The following TMEM63B variants were observed in gnomAD, a reference collection of about 807,000 sequenced individuals.
The protein encoded by TMEM63B is mechanosensitive cation channel TMEM63B.
A neutral mutation model predicts 102.6 loss-of-function variants in TMEM63B; 23 were observed. The observed-to-expected ratio is 0.22, with a 90% CI of 0.16 to 0.32. The LOEUF is 0.32. Among genes scored for constraint, TMEM63B ranks in the 10% least tolerant of loss-of-function variants. The pLI, the probability that TMEM63B is intolerant of heterozygous loss-of-function variation, is 1.00. For synonymous variants in TMEM63B, 444 were observed against 437.0 expected, an observed-to-expected ratio of 1.02 and a Z score of -0.20; for missense variants, 628 against 1,095.9, an observed-to-expected ratio of 0.57 and a Z score of 6.03.
chr6:44,150,342 G>A lies in TMEM63B; in HGVS notation c.1607+32G>A. The A allele has an allele frequency of 1.3e-6, 2 of 1,597,950 alleles. No individual in the cohort carries two copies. Among genetic ancestry groups the A allele is most frequent in the Non-Finnish European group, 1.7e-6 (2 of 1,165,490 alleles). ...TGAGAAGGATGGGGCAGGAGCCAGG[G>A]TAGGGGGACAGCAGGATAGGGAGAG... On this transcript the variant is annotated intron_variant, in intron 17 of 23. Coordinates refer to ENST00000323267, the MANE Select transcript of TMEM63B (RefSeq NM_018426.3). The surrounding 1 kb of genome is among the most constrained non-coding windows in gnomAD (Gnocchi z 4.7).
At chr6:44,134,282 A>G in intron 1 of TMEM63B, 1 of 386,296 alleles carries the variant, frequency 2.6e-6, no homozygotes, top group African/African-American at 2.0e-5. Context: ...AGAAAATCAC[A>G]GATACCTTCC....
Position 44,153,838 on chromosome 6 carries a change from G to A in TMEM63B, c.2105G>A (p.Arg702His). 1 of 1,613,266 alleles carries A rather than the reference G, an allele frequency of 6.2e-7. No individual in the cohort carries two copies. Among genetic ancestry groups the A allele is most frequent in the Non-Finnish European group, 8.5e-7 (1 of 1,179,578 alleles). The stretch of plus-strand genomic sequence containing the variant: ...TGGCTGCTCTTCTTTTCCACCATGC[G>A]CACGGGTGAGGGATCCCTACCCAGG... The part of the protein sequence containing the change: ...LFWLLFFSTM[R>H]TGFLAPTSMF... The change falls in exon 21 of 24, where the codon CGC becomes CAC. Residue 702 changes from arginine (R) to histidine (H), a missense_variant. Arg to His is a conservative substitution (Grantham distance 29, BLOSUM62 0). This residue lies in a region of TMEM63B where 11 missense variants were observed against 23.0 expected (regional missense o/e 0.48). Coordinates refer to ENST00000323267, the MANE Select transcript of TMEM63B (RefSeq NM_018426.3).
intron 1 of TMEM63B, among the ~76,000 whole-genome samples, chr6:44,131,355 C>G (rs371338292): frequency 1.6e-4 from 25 of 152,120 alleles, no homozygotes; most frequent in African/African-American, 5.6e-4. Flanking sequence ...TAACAGAGCT[C>G]GCTTCCATCT....
At chr6:44,147,275 A>G (rs1765613949) in intron 11 of TMEM63B, 102 bp from the exon 12 acceptor site, 2 of 1,581,028 alleles carry the variant, frequency 1.3e-6, no homozygotes, top group Admixed American at 1.7e-5. Flanking sequence ...TATCCTAAAC[A>G]AGAACAAGAC....
intron 8 of TMEM63B, 43 bp from the exon 9 acceptor site, chr6:44,140,209 C>A: frequency 6.6e-7 from 1 of 1,517,800 alleles, no homozygotes; most frequent in South Asian, 1.1e-5. Context: ...CTGAGTGTGT[C>A]CTAGCCCCAG....
Position 44,155,016 on chromosome 6 carries a change from C to A in TMEM63B, c.*133C>A. On this transcript the variant is annotated 3_prime_UTR_variant, in exon 24 of 24. Coordinates refer to ENST00000323267, the MANE Select transcript of TMEM63B (RefSeq NM_018426.3). Reference sequence around the variant, plus strand: ...CCCTGCTTTCATTAAGGTATTTAAACTTGGGGGTTTCACTGCTCTCCCCCA... The same window carrying A: ...CCCTGCTTTCATTAAGGTATTTAAAATTGGGGGTTTCACTGCTCTCCCCCA... The A allele has an allele frequency of 1.1e-6, 1 of 904,296 alleles. No homozygotes were observed. The highest frequency in any genetic ancestry group is 1.5e-6 in the Non-Finnish European group (1 of 647,986). 56.0% of individuals were successfully genotyped at this position (904,296 alleles called of 1,614,324 possible). A position where few individuals can be genotyped will look rare whatever the true frequency, so the allele number is the denominator to read the frequency against.
chr6:44,137,946 C>T (rs76111453), intron 5 of TMEM63B, among the ~76,000 whole-genome samples: 7,799 of 152,158 alleles, frequency 0.051, 431 homozygotes, highest in East Asian at 0.22. Flanking sequence ...TTGATCCGCC[C>T]GCCTTGGCCT....
In TMEM63B at chr6:44,140,282, C is replaced by T. The variant is rs754148734; in HGVS notation, c.633C>T (p.Phe211=). 24 of 1,613,940 alleles carry T rather than the reference C, an allele frequency of 1.5e-5. No individual in the cohort carries two copies. The highest frequency in any genetic ancestry group is 5.0e-5 in the Admixed American group (3 of 59,990). Residue 211 remains phenylalanine, a synonymous_variant, in exon 9 of 24, where the codon TTC becomes TTT. Transcript: ENST00000323267. Reference sequence around the variant, plus strand: ...ACCTGCTATGGCTGCACACCTCCTTCGCCTTCCTGTATCTGCTGCTCACCG... The same window carrying T: ...ACCTGCTATGGCTGCACACCTCCTTTGCCTTCCTGTATCTGCTGCTCACCG... ...GNNLLWLHTS[F]AFLYLLLTVY...
intron 1 of TMEM63B, chr6:44,132,217 G>T: frequency 1.0e-6 from 1 of 965,004 alleles, no homozygotes; most frequent in Non-Finnish European, 1.2e-6. Context: ...TCCCATGCAG[G>T]TGGGAAGATT....
chr6:44,139,272 CT>C (rs1211128124), intron 6 of TMEM63B, among the ~76,000 whole-genome samples, 194 bp from the exon 7 acceptor site: 3 of 152,076 alleles, frequency 2.0e-5, no homozygotes, highest in African/African-American at 7.2e-5. Flanking sequence ...CTCCCTCCCC[CT>C]CTCTTCTCCC....
chr6:44,152,715 C>A lies in TMEM63B; in HGVS notation c.1942+17C>A. 1 of 1,594,890 alleles carries A rather than the reference C, an allele frequency of 6.3e-7. No homozygotes were observed. The highest frequency in any genetic ancestry group is 8.5e-7 in the Non-Finnish European group (1 of 1,171,354). On this transcript the variant is annotated intron_variant, in intron 20 of 23. Transcript: ENST00000323267. This position sits in a 1 kb window ranked among gnomAD's most constrained non-coding sequence, Gnocchi z 6.4. ...TGCCCTTCGGTAGGCACCGCCGCGC[C>A]GGGACCTGGGCCCTGCTCGGGGGGA...
chr6:44,145,957 G>A (rs1765295348), intron 10 of TMEM63B, among the ~76,000 whole-genome samples: 2 of 152,186 alleles, frequency 1.3e-5, no homozygotes, highest in Admixed American at 1.3e-4. Flanking sequence ...TGGGCAACAG[G>A]TCTGGGGTCA....
chr6:44,152,058 C>A lies in TMEM63B; in HGVS notation c.1836+50C>A, dbSNP rs547559259. 324 of 1,531,812 alleles carry A rather than the reference C, an allele frequency of 2.1e-4. No individual in the cohort carries two copies. In the African/African-American group the frequency reaches 4.0e-3, roughly 19 times the overall value. The allele number at this position is 1,531,812 out of a possible 1,614,324, so 94.9% of individuals were successfully genotyped here. On this transcript the variant is annotated intron_variant, in intron 19 of 23. Coordinates refer to ENST00000323267, the MANE Select transcript of TMEM63B (RefSeq NM_018426.3). The surrounding 1 kb of genome is among the most constrained non-coding windows in gnomAD (Gnocchi z 6.4). ...GCCCGCACAGCGCCCCCTGGTGGCCCAACAAGAAACAGCAGCCATCGCGCT... is the reference window on the plus strand; with the variant it reads ...GCCCGCACAGCGCCCCCTGGTGGCCAAACAAGAAACAGCAGCCATCGCGCT...
At position 44,150,660 on chromosome 6, in the gene TMEM63B, C is replaced by A; in HGVS notation, c.1673+31C>A. ...TGACTGGGGCCCCTAGGGAAAGAGA[C>A]CAGACAGCAGGGGTGGGTATGCTTG... On this transcript the variant is annotated intron_variant, in intron 18 of 23. Transcript: ENST00000323267. This position sits in a 1 kb window ranked among gnomAD's most constrained non-coding sequence, Gnocchi z 4.7. 1 of 1,607,370 alleles carries A rather than the reference C, an allele frequency of 6.2e-7. No individual in the cohort carries two copies. The highest frequency in any genetic ancestry group is 8.5e-7 in the Non-Finnish European group (1 of 1,174,270).
intron 10 of TMEM63B, among the ~76,000 whole-genome samples, chr6:44,141,878 T>G (rs1298279968): frequency 6.6e-6 from 1 of 151,946 alleles, no homozygotes; most frequent in Non-Finnish European, 1.5e-5. Flanking sequence ...TCCCAGCACT[T>G]TGGGAGGCCA....
intron 8 of TMEM63B, 142 bp from the exon 9 acceptor site, chr6:44,140,110 C>A: frequency 1.5e-6 from 1 of 679,394 alleles, no homozygotes; most frequent in East Asian, 2.7e-5. Context: ...GTGGGCCTGC[C>A]TTGCGAGGAG....
intron 10 of TMEM63B, among the ~76,000 whole-genome samples, chr6:44,144,185 T>G (rs1010922521): frequency 9.9e-5 from 15 of 152,216 alleles, no homozygotes; most frequent in Non-Finnish European, 1.5e-5. Context: ...ATATACAAGC[T>G]GTTGGGACAG....
At chr6:44,128,825 C>T (rs1416147655) in intron 1 of TMEM63B, among the ~76,000 whole-genome samples, 1 of 152,196 alleles carries the variant, frequency 6.6e-6, no homozygotes, top group Non-Finnish European at 1.5e-5. Context: ...CTCCAGGGCA[C>T]CAGAGGGTCC....
At chr6:44,141,006 A>G (rs1386570342) in intron 9 of TMEM63B, 22 bp from the exon 10 acceptor site, 2 of 1,613,620 alleles carry the variant, frequency 1.2e-6, no homozygotes, top group East Asian at 2.2e-5. Context: ...TCAGAAGGCA[A>G]ACCCACTCCC....
Sources: allele counts gnomAD v4.1 joint callset (sites outside exome capture counted in the v4.1 genomes callset), GRCh38; gene constraint gnomAD v4.1.1; regional missense constraint gnomAD v4.1.1; non-coding constraint Gnocchi (gnomAD v3.1); transcripts MANE v1.5; gene names NCBI Gene and HGNC (gene_info 2026-07-23, HGNC 2026-07-21).